Variants in RPS6KA3 observed in about 807,000 individuals in gnomAD.
The protein encoded by RPS6KA3 is ribosomal protein S6 kinase A3.
Under a neutral mutation model 67.2 loss-of-function variants are expected in RPS6KA3, and 4 were observed. The observed-to-expected ratio is 0.06, with a 90% CI of 0.03 to 0.14. The LOEUF (loss-of-function observed/expected upper bound fraction) is 0.14. Ranked by LOEUF, RPS6KA3 falls within the 10% of genes least tolerant of loss-of-function variation. The pLI, the probability that RPS6KA3 is intolerant of heterozygous loss-of-function variation, is 1.00. For missense variants in RPS6KA3, 204 were observed against 559.0 expected, an observed-to-expected ratio of 0.36 and a Z score of 6.40; for synonymous variants, 182 against 183.7, an observed-to-expected ratio of 0.99 and a Z score of 0.07.
At chrX:20,211,865 C>T (rs1441197328) in intron 2 of RPS6KA3, among the ~76,000 whole-genome samples, 1 of 111,953 alleles carries the variant, frequency 8.9e-6, no homozygotes, top group Non-Finnish European at 1.9e-5. Flanking sequence ...ATCATGAGGT[C>T]ATGAAGAACT....
intron 2 of RPS6KA3, among the ~76,000 whole-genome samples, chrX:20,224,058 A>G (rs2148764305): frequency 8.9e-6 from 1 of 111,800 alleles, no homozygotes; most frequent in East Asian, 2.8e-4. Context: ...ACTGTGCTTT[A>G]CATGAAATTA....
At chrX:20,214,058 C>T (rs2068784793) in intron 2 of RPS6KA3, among the ~76,000 whole-genome samples, 1 of 111,590 alleles carries the variant, frequency 9.0e-6, no homozygotes, top group Admixed American at 9.5e-5. Context: ...TTTTTAACAG[C>T]CTTCCACCAT....
intron 4 of RPS6KA3, among the ~76,000 whole-genome samples, chrX:20,202,650 T>C (rs762553704): frequency 1.8e-5 from 2 of 112,314 alleles, no homozygotes; most frequent in Non-Finnish European, 3.8e-5. Flanking sequence ...ACAGTTGGCC[T>C]TCTCTAATAG....
rs765333853 is a variant in RPS6KA3 at position 20,176,317 on chromosome X, T to C, written c.1035A>G (p.Lys345=). Residue 345 remains lysine (K), a synonymous_variant, in exon 13 of 22, where the codon AAA becomes AAG. Transcript: ENST00000379565. ...LYRREIHPPF[K]PATGRPEDTF... ...TATCTTCAGGCCTGCCCGTTGCAGG[T>C]TTAAATGGCGGATGAATTTCTCTTC... is the stretch of plus-strand genomic sequence containing the variant. 7 of 1,198,755 alleles carry C rather than the reference T, an allele frequency of 5.8e-6. No individual in the cohort carries two copies. The highest frequency in any genetic ancestry group is 6.8e-6 in the Non-Finnish European group (6 of 885,855).
At chrX:20,184,920 T>C (rs1313182118) in intron 10 of RPS6KA3, among the ~76,000 whole-genome samples, 1 of 111,770 alleles carries the variant, frequency 8.9e-6, no homozygotes, top group African/African-American at 3.3e-5. Context: ...AATTTTTACA[T>C]TGTTGTAAAC....
At chrX:20,175,681 T>C (rs2067681893) in intron 13 of RPS6KA3, among the ~76,000 whole-genome samples, 1 of 111,492 alleles carries the variant, frequency 9.0e-6, no homozygotes, top group Non-Finnish European at 1.9e-5. Flanking sequence ...GTGCCTAGCG[T>C]GACTGAGAAA....
chrX:20,251,422 G>C (rs961545507), intron 1 of RPS6KA3, among the ~76,000 whole-genome samples: 2 of 112,913 alleles, frequency 1.8e-5, no homozygotes, highest in African/African-American at 3.2e-5. Flanking sequence ...GATTATAGGC[G>C]TAAGCCCCTC....
At chrX:20,249,915 T>C (rs906068720) in intron 1 of RPS6KA3, among the ~76,000 whole-genome samples, 6 of 112,486 alleles carry the variant, frequency 5.3e-5, no homozygotes, top group African/African-American at 1.9e-4. Flanking sequence ...TGATCCATTT[T>C]AAATTAACTT....
Position 20,266,782 on chromosome X carries a change from C to A in RPS6KA3, c.-150G>T. Reference sequence around the variant, plus strand: ...GCGGCAGCGGCAGCAGCAGCAGCAGCGGCGGCGGCCCCAGAGAGGGCTCGA... The same window carrying A: ...GCGGCAGCGGCAGCAGCAGCAGCAGAGGCGGCGGCCCCAGAGAGGGCTCGA... On this transcript the variant is annotated 5_prime_UTR_variant, in exon 1 of 22. Coordinates refer to ENST00000379565, the MANE Select transcript of RPS6KA3 (RefSeq NM_004586.3). The A allele has an allele frequency of 2.9e-6, 1 of 349,558 alleles. No homozygotes were observed. Among genetic ancestry groups the A allele is most frequent in the Non-Finnish European group, 3.7e-6 (1 of 270,101 alleles). 28.8% of individuals were successfully genotyped at this position (349,558 alleles called of 1,213,427 possible). A position where few individuals can be genotyped will look rare whatever the true frequency, so the allele number is the denominator to read the frequency against.
chrX:20,265,249 A>C, intron 1 of RPS6KA3, among the ~76,000 whole-genome samples: 1 of 111,754 alleles, frequency 8.9e-6, no homozygotes, highest in East Asian at 2.8e-4. Flanking sequence ...AGCGGAGGTG[A>C]CTGGGGGAAA....
chrX:20,227,750 C>T (rs2069159982), intron 2 of RPS6KA3, among the ~76,000 whole-genome samples: 1 of 110,108 alleles, frequency 9.1e-6, no homozygotes, highest in African/African-American at 3.3e-5. Context: ...ATCACTATAC[C>T]ATTATGAAAG....
intron 1 of RPS6KA3, among the ~76,000 whole-genome samples, chrX:20,256,102 T>G (rs2070047436): frequency 1.2e-5 from 1 of 84,178 alleles, no homozygotes; most frequent in Non-Finnish European, 2.1e-5. Flanking sequence ...AGAGAAGAAA[T>G]ACATATACAA....
intron 1 of RPS6KA3, among the ~76,000 whole-genome samples, chrX:20,251,524 G>A (rs1298546466): frequency 8.9e-6 from 1 of 112,979 alleles, no homozygotes; most frequent in African/African-American, 3.2e-5. Flanking sequence ...GATTCTGATG[G>A]AAAATCTGCT....
At chrX:20,166,745 T>C (rs1354053231) in intron 17 of RPS6KA3, among the ~76,000 whole-genome samples, 3 of 90,131 alleles carry the variant, frequency 3.3e-5, no homozygotes, top group Non-Finnish European at 6.4e-5. Flanking sequence ...TGAGATGGAG[T>C]CTCACTCTGT....
intron 2 of RPS6KA3, among the ~76,000 whole-genome samples, chrX:20,232,891 T>C (rs1204451736): frequency 9.0e-6 from 1 of 111,705 alleles, no homozygotes; most frequent in East Asian, 2.8e-4. Flanking sequence ...TCCCAGAACT[T>C]TGGGAGGCGA....
At chrX:20,258,088 G>C (rs747136149) in intron 1 of RPS6KA3, among the ~76,000 whole-genome samples, 2 of 111,931 alleles carry the variant, frequency 1.8e-5, no homozygotes, top group Non-Finnish European at 3.8e-5. Flanking sequence ...AGGTAGAAAT[G>C]AAAAAACACT....
chrX:20,235,348 A>C (rs1352449050), intron 1 of RPS6KA3: 1 of 111,512 alleles, frequency 9.0e-6, no homozygotes, highest in Admixed American at 9.5e-5. Flanking sequence ...AATCATAAAG[A>C]AAAAAATGAC....
At chrX:20,236,962 A>T (rs2069426415) in intron 1 of RPS6KA3, among the ~76,000 whole-genome samples, 3 of 111,613 alleles carry the variant, frequency 2.7e-5, no homozygotes, top group South Asian at 7.5e-4. Context: ...TTCCTGTCTC[A>T]CCCTATTAAT....
chrX:20,208,547 T>C (rs1404466370), intron 3 of RPS6KA3, among the ~76,000 whole-genome samples: 2 of 109,405 alleles, frequency 1.8e-5, no homozygotes, highest in Non-Finnish European at 3.8e-5. Context: ...CGAAACCCCA[T>C]CTCTACAAAA....
Sources: allele counts gnomAD v4.1 joint callset (sites outside exome capture counted in the v4.1 genomes callset), GRCh38; gene constraint gnomAD v4.1.1; transcripts MANE v1.5; gene names NCBI Gene and HGNC (gene_info 2026-07-23, HGNC 2026-07-21).